The following CCDC60 variants were observed in gnomAD, a reference collection of about 807,000 sequenced individuals.
The protein encoded by CCDC60 is coiled-coil domain containing 60, also known as coiled-coil domain-containing protein 60.
CCDC60 carries 54 observed loss-of-function variants against 63.5 expected under a neutral mutation model. That is an observed-to-expected ratio of 0.85 (90% confidence interval 0.68 to 1.07). The LOEUF (loss-of-function observed/expected upper bound fraction) is 1.07, where lower values mean the gene tolerates loss of function less well. CCDC60 is among the 50% of genes least tolerant of loss of function. The pLI is 0.00. For synonymous variants in CCDC60, 206 were observed against 238.8 expected (o/e 0.86, Z 1.27); for missense variants, 651 against 684.3 (o/e 0.95, Z 0.54).
chr12:119,473,753 A>C (rs1183901627), intron 3 of CCDC60, among the ~76,000 whole-genome samples: 1 of 152,166 alleles, frequency 6.6e-6, no homozygotes, highest in South Asian at 2.1e-4. Context: ...ATGGTCTCCA[A>C]CTCCATCCAG....
At chr12:119,354,701 C>A (rs928292885) in intron 1 of CCDC60, among the ~76,000 whole-genome samples, 1 of 152,198 alleles carries the variant, frequency 6.6e-6, no homozygotes, top group Non-Finnish European at 1.5e-5. Flanking sequence ...ATGTAGACCA[C>A]AAAATGTTTT....
At chr12:119,432,649 A>G (rs558145501) in intron 2 of CCDC60, among the ~76,000 whole-genome samples, 3 of 152,330 alleles carry the variant, frequency 2.0e-5, no homozygotes, top group Admixed American at 6.5e-5. Context: ...GCCTTGACCT[A>G]GACTTGACTC....
At chr12:119,535,148 T>C (rs1952966821) in intron 13 of CCDC60, among the ~76,000 whole-genome samples, 1 of 152,186 alleles carries the variant, frequency 6.6e-6, no homozygotes, top group Admixed American at 6.5e-5. Context: ...CTTGACAGGG[T>C]GTATGTGTCC....
rs1383314405 is a variant in CCDC60, at chr12:119,388,935, A to G, written c.91-39748A>G. On this transcript the variant is annotated intron_variant, in intron 1 of 13. Transcript: ENST00000327554. ...TAGAGTATCACCATGTACAAACAGC[A>G]TAGGGATCAGCTCTGTTTTGATCAT... 2.6e-5 allele frequency among the ~76,000 whole-genome samples: 4 copies of G among 152,254 alleles called. No homozygotes were observed. In the East Asian group the frequency reaches 5.8e-4, roughly 22 times the overall value.
At chr12:119,512,613 GT>G (rs1952244501) in intron 7 of CCDC60, among the ~76,000 whole-genome samples, 1 of 152,230 alleles carries the variant, frequency 6.6e-6, no homozygotes, top group Admixed American at 6.5e-5. Flanking sequence ...GGAGGAAAAT[GT>G]GATAGATCTA....
At chr12:119,433,165 T>TC (rs1950262872) in intron 2 of CCDC60, among the ~76,000 whole-genome samples, 1 of 103,830 alleles carries the variant, frequency 9.6e-6, no homozygotes, top group African/African-American at 3.6e-5. Context: ...GACAGAGAGT[T>TC]GTTAAACATT....
intron 2 of CCDC60, among the ~76,000 whole-genome samples, chr12:119,471,767 A>T (rs1265053855): frequency 6.6e-6 from 1 of 151,596 alleles, no homozygotes; most frequent in African/African-American, 2.4e-5. Context: ...TCTTTTTTTT[A>T]AATTTGTGTC....
At chr12:119,517,144 C>T (rs926146492) in intron 8 of CCDC60, among the ~76,000 whole-genome samples, 17 of 151,918 alleles carry the variant, frequency 1.1e-4, no homozygotes, top group Admixed American at 4.6e-4. Context: ...CACACCACCA[C>T]ATCTGGCTAA....
At chr12:119,461,270 G>A (rs1950852308) in intron 2 of CCDC60, among the ~76,000 whole-genome samples, 1 of 152,082 alleles carries the variant, frequency 6.6e-6, no homozygotes, top group African/African-American at 2.4e-5. Context: ...AGCCCTTTGA[G>A]GGAGGAACTA....
chr12:119,372,561 C>T (rs969710477), intron 1 of CCDC60, among the ~76,000 whole-genome samples: 10 of 152,130 alleles, frequency 6.6e-5, no homozygotes, highest in African/African-American at 2.4e-4. Context: ...CATAAAAATC[C>T]CCCACATTAT....
intron 4 of CCDC60, among the ~76,000 whole-genome samples, chr12:119,486,674 T>A (rs1951448008): frequency 6.6e-6 from 1 of 152,176 alleles, no homozygotes; most frequent in African/African-American, 2.4e-5. Context: ...TCCAAAGACC[T>A]GGTGGATACA....
At chr12:119,500,238 A>T in intron 6 of CCDC60, 70 bp downstream of exon 6, 1 of 1,068,464 alleles carries the variant, frequency 9.4e-7, no homozygotes, top group South Asian at 1.4e-5. Flanking sequence ...TATTTTTGCC[A>T]GTCTTTTCTC....
chr12:119,461,780 G>A (rs776817844), intron 2 of CCDC60, among the ~76,000 whole-genome samples: 10 of 152,168 alleles, frequency 6.6e-5, no homozygotes, highest in African/African-American at 2.2e-4. Flanking sequence ...ATTTAAAGGC[G>A]AAAACTGCTC....
At chr12:119,488,913 C>G (rs758862279) in intron 5 of CCDC60, 47 bp downstream of exon 5, 3 of 1,466,450 alleles carry the variant, frequency 2.0e-6, no homozygotes, top group Non-Finnish European at 2.9e-6. Context: ...GTAGGCTGGG[C>G]AGTGGGGAAG....
At chr12:119,429,222 G>A (rs570684537) in intron 2 of CCDC60, among the ~76,000 whole-genome samples, 1 of 152,222 alleles carries the variant, frequency 6.6e-6, no homozygotes, top group Non-Finnish European at 1.5e-5. Context: ...TAGAAGAACC[G>A]AGGGAAATAA....
intron 6 of CCDC60, among the ~76,000 whole-genome samples, chr12:119,503,384 C>T (rs142829247): frequency 6.6e-6 from 1 of 152,184 alleles, no homozygotes; most frequent in East Asian, 1.9e-4. Context: ...GTCAGGACAA[C>T]AGGATCATTG....
At chr12:119,483,336 T>C (rs750443453) in intron 4 of CCDC60, among the ~76,000 whole-genome samples, 40 of 152,238 alleles carry the variant, frequency 2.6e-4, no homozygotes, top group Non-Finnish European at 4.6e-4. Context: ...GTCCCTTCAG[T>C]CCCTGTGTGA....
chr12:119,534,058 A>T (rs1224598776), intron 13 of CCDC60, among the ~76,000 whole-genome samples: 1 of 152,158 alleles, frequency 6.6e-6, no homozygotes, highest in Non-Finnish European at 1.5e-5. Context: ...TGAGCATGGA[A>T]TATTTTTCCA....
intron 5 of CCDC60, among the ~76,000 whole-genome samples, chr12:119,493,314 A>G (rs1455716329): frequency 1.3e-5 from 2 of 152,108 alleles, no homozygotes; most frequent in Non-Finnish European, 2.9e-5. Flanking sequence ...TATGGATTTT[A>G]TAGGAAGAAA....
Sources: allele counts gnomAD v4.1 joint callset (sites outside exome capture counted in the v4.1 genomes callset), GRCh38; gene constraint gnomAD v4.1.1; transcripts MANE v1.5; gene names NCBI Gene and HGNC (gene_info 2026-07-23, HGNC 2026-07-21).